ERC1: variants seen among roughly 807,000 people sequenced by gnomAD.
ERC1 encodes ELKS/RAB6-interacting/CAST family member 1, also known as RAB6 interacting protein 2.
A neutral mutation model predicts 132.0 loss-of-function variants in ERC1; 56 were observed. The ratio of observed to expected loss-of-function variants is 0.42; its 90% CI spans 0.34 to 0.53. ERC1 has a LOEUF of 0.53. Ranked by LOEUF, ERC1 falls within the 20% of genes least tolerant of loss-of-function variation. The pLI is 0.03. For missense variants in ERC1, 1,202 were observed against 1,349.9 expected (o/e 0.89, Z 1.72); for synonymous variants, 478 against 476.1 (o/e 1.00, Z -0.05).
At chr12:1,082,651 C>T (rs771662715) in intron 2 of ERC1, among the ~76,000 whole-genome samples, 3 of 151,708 alleles carry the variant, frequency 2.0e-5, no homozygotes, top group African/African-American at 7.3e-5. Flanking sequence ...CCACCACGCC[C>T]GGCTAACTTT....
chr12:1,010,665 C>T (rs1236215463), intron 1 of ERC1, among the ~76,000 whole-genome samples: 3 of 151,676 alleles, frequency 2.0e-5, no homozygotes, highest in Non-Finnish European at 4.4e-5. Context: ...TGTGTACCAG[C>T]ACACCTGGCT....
Position 1,041,898 on chromosome 12 carries a change from G to A in ERC1, c.669+13326G>A, listed in dbSNP as rs937533012. On this transcript the variant is annotated intron_variant, in intron 2 of 18. Transcript: ENST00000360905. The stretch of plus-strand genomic sequence containing the variant: ...GTAGTTGGCTAACCAACAGGCCTGC[G>A]CCATCACACCCAGCTAATTTTTGTA... Among the ~76,000 whole-genome samples the A allele has an allele frequency of 6.6e-5, 10 of 152,022 alleles. No individual in the cohort carries two copies. The South Asian group carries it at 8.3e-4, about 13-fold the overall frequency.
At chr12:1,341,083 T>TTTC in intron 15 of ERC1, among the ~76,000 whole-genome samples, 1 of 18,452 alleles carries the variant, frequency 5.4e-5, no homozygotes, top group African/African-American at 1.7e-4. Context: ...TTTTTTTTTT[T>TTTC]TTTTTTTTTT....
chr12:1,254,046 C>T (rs1310409285), intron 13 of ERC1, among the ~76,000 whole-genome samples: 1 of 152,144 alleles, frequency 6.6e-6, no homozygotes, highest in African/African-American at 2.4e-5. Flanking sequence ...ATATGTGAGG[C>T]TGGCAAAAGT....
At chr12:1,372,115 A>G (rs1037083416) in intron 16 of ERC1, 138 bp downstream of exon 16, 2 of 1,095,702 alleles carry the variant, frequency 1.8e-6, no homozygotes, top group African/African-American at 3.1e-5. Context: ...AGTTTCCATC[A>G]TTAGAGACTT....
chr12:1,347,601 C>G (rs2084599764), intron 15 of ERC1, among the ~76,000 whole-genome samples: 1 of 152,130 alleles, frequency 6.6e-6, no homozygotes, highest in South Asian at 2.1e-4. Flanking sequence ...CAAGAAAATA[C>G]AGTATAAATT....
intron 17 of ERC1, among the ~76,000 whole-genome samples, chr12:1,438,955 AT>A (rs142867752): frequency 0.055 from 6,965 of 126,876 alleles, 223 homozygotes; most frequent in African/African-American, 0.096. Flanking sequence ...TTAAAAAAAA[AT>A]ATATATATAT....
chr12:1,407,277 T>TTA (rs138176477), intron 16 of ERC1, among the ~76,000 whole-genome samples: 14,008 of 150,844 alleles, frequency 0.093, 1,172 homozygotes, highest in African/African-American at 0.23. Flanking sequence ...GAAAAGCTAT[T>TTA]TATATATATA....
At chr12:1,400,916 A>ATTATTATTTTT (rs2090981093) in intron 16 of ERC1, among the ~76,000 whole-genome samples, 2 of 15,038 alleles carry the variant, frequency 1.3e-4, no homozygotes, top group African/African-American at 3.1e-4. Context: ...CTATTTTTGT[A>ATTATTATTTTT]TTTTTTTTTT....
chr12:1,485,475 T>C (rs867554794), intron 18 of ERC1, among the ~76,000 whole-genome samples: 8 of 152,314 alleles, frequency 5.3e-5, no homozygotes, highest in Non-Finnish European at 7.3e-5. Context: ...AGTGCTGGGA[T>C]TACAGGCGTG....
intron 13 of ERC1, among the ~76,000 whole-genome samples, chr12:1,251,169 G>C (rs1333171452): frequency 1.3e-5 from 2 of 151,860 alleles, no homozygotes; most frequent in African/African-American, 2.4e-5. Context: ...TTTTAGATTT[G>C]CCAGGGGGAT....
chr12:1,443,095 T>C (rs530791074), intron 17 of ERC1, among the ~76,000 whole-genome samples: 3 of 152,128 alleles, frequency 2.0e-5, no homozygotes, highest in Admixed American at 6.5e-5. Flanking sequence ...GAAACGGGGT[T>C]TCACCATGTT....
At chr12:1,278,547 C>A (rs2078442524) in intron 14 of ERC1, among the ~76,000 whole-genome samples, 1 of 152,112 alleles carries the variant, frequency 6.6e-6, no homozygotes, top group Admixed American at 6.5e-5. Flanking sequence ...CCTTCCATTT[C>A]TTCGTGTAAT....
rs1645531573 is a variant in ERC1, at chr12:1,083,560, G to A, written c.1066G>A (p.Glu356Lys). 1 of 1,605,444 alleles carries A rather than the reference G, an allele frequency of 6.2e-7. No individual in the cohort carries two copies. Among genetic ancestry groups the A allele is most frequent in the Non-Finnish European group, 8.5e-7 (1 of 1,177,724 alleles). ...AAGCCTTTTGGAGCAGAAGGAAAAA[G>A]AGAACAGTATGTTGAGAGAGGTATG... Reference protein sequence around the residue: ...LESLLEQKEKENSMLREEMHR... With the variant: ...LESLLEQKEKKNSMLREEMHR... The change falls in exon 3 of 19, where the codon GAG (glutamate) becomes AAG (lysine). Residue 356 changes from glutamate (E) to lysine (K), a missense_variant. Glu to Lys is a moderately conservative substitution (Grantham distance 56). Transcript: ENST00000360905.
chr12:1,468,879 C>G (rs2093800850), intron 18 of ERC1, among the ~76,000 whole-genome samples: 1 of 152,164 alleles, frequency 6.6e-6, no homozygotes, highest in South Asian at 2.1e-4. Flanking sequence ...ACATTTCTTC[C>G]ATTTCAGACC....
chr12:1,012,765 T>G (rs1368630185), intron 1 of ERC1, among the ~76,000 whole-genome samples: 2 of 152,194 alleles, frequency 1.3e-5, no homozygotes, highest in Non-Finnish European at 2.9e-5. Flanking sequence ...ATATTTAATC[T>G]TAACCATTAA....
chr12:1,280,562 G>A (rs1436215146), intron 14 of ERC1, among the ~76,000 whole-genome samples: 1 of 152,164 alleles, frequency 6.6e-6, no homozygotes, highest in Non-Finnish European at 1.5e-5. Context: ...CCAAGTATCT[G>A]TAATCTCACC....
chr12:1,367,408 G>A (rs889177384), intron 15 of ERC1, among the ~76,000 whole-genome samples: 3 of 152,158 alleles, frequency 2.0e-5, no homozygotes, highest in Admixed American at 6.5e-5. Context: ...CTCAGTTGGA[G>A]GAGGAGCGAA....
At chr12:1,316,228 C>A (rs1466891431) in intron 15 of ERC1, among the ~76,000 whole-genome samples, 2 of 152,190 alleles carry the variant, frequency 1.3e-5, no homozygotes, top group African/African-American at 4.8e-5. Context: ...TTTAGGCTAA[C>A]TGAGCAGTGA....
Sources: gnomAD v4.1 joint callset for allele counts (sites outside exome capture counted in the v4.1 genomes callset) on GRCh38, gnomAD v4.1.1 for gene constraint, MANE v1.5 for transcripts, NCBI Gene and HGNC (gene_info 2026-07-23, HGNC 2026-07-21) for gene names.